Variants in CPS1 observed in about 807,000 individuals in gnomAD.
The protein encoded by CPS1 is carbamoyl-phosphate synthase 1.
Under a neutral mutation model 174.6 loss-of-function variants are expected in CPS1, and 109 were observed. The ratio of observed to expected loss-of-function variants is 0.62; its 90% confidence interval spans 0.53 to 0.73. CPS1 has a LOEUF of 0.73. CPS1 is among the 30% of genes least tolerant of loss of function. The probability of loss-of-function intolerance (pLI) is 0.00; values close to 1 mark genes in which losing one functional copy is unlikely to be tolerated. For synonymous variants in CPS1, 637 were observed against 632.0 expected, an observed-to-expected ratio of 1.01 and a Z score of -0.12; for missense variants, 1,689 against 1,821.9, an observed-to-expected ratio of 0.93 and a Z score of 1.33.
Position 210,656,463 on chromosome 2 carries a change from G to A in CPS1, c.3559-62G>A. On this transcript the variant is annotated intron_variant, in intron 29 of 37. Coordinates refer to ENST00000233072, the MANE Select transcript of CPS1 (RefSeq NM_001875.5). Reference sequence around the variant, plus strand: ...GACCAAAGGGGAGGATGAGGGAGTAGCTTCCTTGAAGGAAGTACCTGAAAA... The same window carrying A: ...GACCAAAGGGGAGGATGAGGGAGTAACTTCCTTGAAGGAAGTACCTGAAAA... 4.3e-6 allele frequency: 5 copies of A among 1,174,804 alleles called. No individual in the cohort carries two copies. In the South Asian group the frequency reaches 6.2e-5, roughly 14 times the overall value. 72.8% of individuals were successfully genotyped at this position (1,174,804 alleles called of 1,614,324 possible). A position where few individuals can be genotyped will look rare whatever the true frequency, so the allele number is the denominator to read the frequency against.
At chr2:210,560,883 C>A (rs1697076447) in intron 1 of CPS1, among the ~76,000 whole-genome samples, 1 of 152,066 alleles carries the variant, frequency 6.6e-6, no homozygotes, top group African/African-American at 2.4e-5. Flanking sequence ...TTTTATTGGA[C>A]TTTTACTACA....
At chr2:210,564,682 G>C (rs1262371813) in intron 1 of CPS1, among the ~76,000 whole-genome samples, 1 of 148,782 alleles carries the variant, frequency 6.7e-6, no homozygotes, top group African/African-American at 2.4e-5. Flanking sequence ...GGCCTAGAAT[G>C]CTCATTTTAA....
chr2:210,598,791 A>T (rs1698596747), intron 13 of CPS1, among the ~76,000 whole-genome samples: 1 of 151,900 alleles, frequency 6.6e-6, no homozygotes. Context: ...CACTGATAGT[A>T]TTAAACAAAT....
intron 3 of CPS1, 49 bp from the exon 4 acceptor site, chr2:210,577,372 G>C: frequency 7.3e-7 from 1 of 1,363,234 alleles, no homozygotes; most frequent in Non-Finnish European, 1.1e-6. Context: ...CACAAGAGTT[G>C]GATAATATCT....
At chr2:210,675,698 C>T (rs762610084) in intron 35 of CPS1, 30 bp from the exon 36 acceptor site, 36 of 993,790 alleles carry the variant, frequency 3.6e-5, no homozygotes, top group Non-Finnish European at 4.2e-5. Context: ...CACTGTGATA[C>T]GGTAATTGAT....
At chr2:210,512,863 G>T (rs11887293) in intron 1 of CPS1, among the ~76,000 whole-genome samples, 1,271 of 35,578 alleles carry the variant, frequency 0.036, 228 homozygotes, top group African/African-American at 0.12. Flanking sequence ...TATATATATA[G>T]ATATATATAT....
intron 1 of CPS1, among the ~76,000 whole-genome samples, chr2:210,570,372 G>C (rs1225724410): frequency 6.6e-6 from 1 of 151,800 alleles, no homozygotes; most frequent in Non-Finnish European, 1.5e-5. Flanking sequence ...TTTCATGAAG[G>C]GAGTGAGAAA....
Position 210,597,226 on chromosome 2 carries a change from T to C in CPS1, c.1359+1644T>C, listed in dbSNP as rs148457803. Among the ~76,000 whole-genome samples the C allele has an allele frequency of 1.0e-3, 154 of 151,970 alleles. 2 individuals carry two copies. Among genetic ancestry groups the C allele is most frequent in the Non-Finnish European group, 6.6e-4 (45 of 67,842 alleles). ...GACTCAATTATTAAAATTCATCACA[T>C]ATTATAAAAGCATTTGCTTACCTGT... On this transcript the variant is annotated intron_variant, in intron 13 of 37. Transcript: ENST00000233072.
At chr2:210,617,479 A>C (rs1699350103) in intron 21 of CPS1, 1 of 152,068 alleles carries the variant, frequency 6.6e-6, no homozygotes, top group East Asian at 1.9e-4. Flanking sequence ...GACAGTGGAA[A>C]ATCTCAAAAC....
intron 19 of CPS1, 121 bp from the exon 20 acceptor site, chr2:210,611,984 TAATTTGAGAGGC>T: frequency 2.4e-5 from 19 of 806,518 alleles, no homozygotes; most frequent in South Asian, 3.4e-5. Flanking sequence ...TTTTTTTTTT[TAATTTGAGAGGC>T]TTTATGATAT....
chr2:210,602,057 G>A, intron 15 of CPS1, 145 bp from the exon 16 acceptor site: 1 of 921,018 alleles, frequency 1.1e-6, no homozygotes, highest in Non-Finnish European at 1.7e-6. Context: ...TTGCTTTTCA[G>A]AATGAGATGA....
In CPS1 at chr2:210,556,672, C is replaced by G. The variant is rs745694496; in HGVS notation, c.-62C>G. The G allele has an allele frequency of 1.2e-6, 2 of 1,605,754 alleles. No homozygotes were observed. The highest frequency in any genetic ancestry group is 1.7e-6 in the Non-Finnish European group (2 of 1,175,654). On this transcript the variant is annotated 5_prime_UTR_variant, in exon 1 of 38. Coordinates refer to ENST00000233072, the MANE Select transcript of CPS1 (RefSeq NM_001875.5). ...ATTTCTTTTACATTAACTAAAAAGT[C>G]TTATCACACAATCTCATAAAATTTA...
At chr2:210,554,137 A>C (rs1435130030), upstream of CPS1, among the ~76,000 whole-genome samples, 1 of 92,700 alleles carries the variant, frequency 1.1e-5, no homozygotes, top group East Asian at 2.8e-4. Context: ...ATACATACAT[A>C]TATATATGTA....
intron 32 of CPS1, among the ~76,000 whole-genome samples, chr2:210,662,746 C>T (rs969457046): frequency 6.6e-6 from 1 of 152,164 alleles, no homozygotes; most frequent in Non-Finnish European, 1.5e-5. Flanking sequence ...GTTTCCAAAG[C>T]CTATCAAAGA....
intron 1 of CPS1, among the ~76,000 whole-genome samples, chr2:210,561,347 G>A (rs1574525674): frequency 1.3e-5 from 2 of 152,124 alleles, no homozygotes; most frequent in Admixed American, 1.3e-4. Context: ...CATTCTGGCT[G>A]TAGAACTGCC....
At chr2:210,663,390 T>G (rs1700987731) in intron 33 of CPS1, among the ~76,000 whole-genome samples, 193 bp downstream of exon 33, 1 of 152,236 alleles carries the variant, frequency 6.6e-6, no homozygotes, top group African/African-American at 2.4e-5. Flanking sequence ...TATTTATATT[T>G]TAACATGGGA....
intron 1 of CPS1, among the ~76,000 whole-genome samples, chr2:210,502,076 T>C (rs918638540): frequency 9.9e-5 from 15 of 152,042 alleles, no homozygotes; most frequent in Admixed American, 8.5e-4. Context: ...AAGCCCTTTA[T>C]ATAGCCATCA....
intron 1 of CPS1, among the ~76,000 whole-genome samples, chr2:210,543,156 A>G (rs1438547337): frequency 6.6e-6 from 1 of 152,180 alleles, no homozygotes; most frequent in Admixed American, 6.5e-5. Flanking sequence ...GCACCCAAGC[A>G]GGTCTACCAC....
At chr2:210,641,563 C>T (rs776722219) in intron 24 of CPS1, among the ~76,000 whole-genome samples, 8 of 152,186 alleles carry the variant, frequency 5.3e-5, no homozygotes, top group African/African-American at 7.2e-5. Context: ...GAGACACGTT[C>T]AGGCCATGGC....
Sources: gnomAD v4.1 joint callset for allele counts (sites outside exome capture counted in the v4.1 genomes callset) on GRCh38, gnomAD v4.1.1 for gene constraint, MANE v1.5 for transcripts, NCBI Gene and HGNC (gene_info 2026-07-23, HGNC 2026-07-21) for gene names.